The following ECPAS variants were observed in gnomAD, a reference collection of about 807,000 sequenced individuals.
The protein encoded by ECPAS is proteasome adapter and scaffold protein ECM29.
ECPAS carries 70 observed loss-of-function variants against 255.1 expected under a neutral mutation model. The observed-to-expected ratio is 0.27, with a 90% CI of 0.23 to 0.33. ECPAS has a LOEUF of 0.33. ECPAS is among the 10% of genes least tolerant of loss of function. The pLI is 1.00. For synonymous variants in ECPAS, 784 were observed against 775.0 expected, an observed-to-expected ratio of 1.01 and a Z score of -0.19; for missense variants, 1,817 against 2,206.4, an observed-to-expected ratio of 0.82 and a Z score of 3.54.
At chr9:111,373,102 T>A in intron 41 of ECPAS, 68 bp downstream of exon 41, 2 of 1,195,128 alleles carry the variant, frequency 1.7e-6, no homozygotes, top group Non-Finnish European at 2.5e-6. Flanking sequence ...TAAGACCTAA[T>A]TTGTACTGTT....
At chr9:111,435,679 CTT>C (rs1163482272) in intron 7 of ECPAS, among the ~76,000 whole-genome samples, 137 of 132,520 alleles carry the variant, frequency 1.0e-3, no homozygotes, top group African/African-American at 2.4e-3. Context: ...TTCAGTAAAT[CTT>C]TTTTTTTTTT....
At chr9:111,371,461 A>G (rs530939305) in intron 43 of ECPAS, among the ~76,000 whole-genome samples, 160 bp downstream of exon 43, 32 of 152,356 alleles carry the variant, frequency 2.1e-4, no homozygotes, top group African/African-American at 7.7e-4. Flanking sequence ...GAAATACCAC[A>G]GTTAATCAGG....
intron 3 of ECPAS, among the ~76,000 whole-genome samples, chr9:111,450,931 C>CA (rs977060599): frequency 3.1e-4 from 47 of 151,764 alleles, no homozygotes; most frequent in African/African-American, 1.0e-3. Flanking sequence ...TCTCAAAAAA[C>CA]AAAAAAAGAA....
chr9:111,447,921 T>C (rs1309457773), intron 3 of ECPAS, among the ~76,000 whole-genome samples: 1 of 152,104 alleles, frequency 6.6e-6, no homozygotes, highest in Non-Finnish European at 1.5e-5. Flanking sequence ...TGTTGACAGT[T>C]TGATAACGAG....
At chr9:111,405,798 T>A (rs1246809606) in intron 24 of ECPAS, among the ~76,000 whole-genome samples, 1 of 149,760 alleles carries the variant, frequency 6.7e-6, no homozygotes, top group Non-Finnish European at 1.5e-5. Flanking sequence ...AAGTCTGGCA[T>A]CACTGATCAT....
In ECPAS at chr9:111,393,662, C is replaced by A; in HGVS notation, c.2977+18G>T. Reference sequence around the variant, plus strand: ...TACAAGTTCAATTAAGTTTAGAAATCAAATATTAACAACCTACCATCATTT... The same window carrying A: ...TACAAGTTCAATTAAGTTTAGAAATAAAATATTAACAACCTACCATCATTT... On this transcript the variant is annotated intron_variant, in intron 27 of 49. Transcript: ENST00000684092. 2.0e-6 allele frequency: 3 copies of A among 1,470,620 alleles called. No individual in the cohort carries two copies. Among genetic ancestry groups the A allele is most frequent in the South Asian group, 2.4e-5 (2 of 84,464 alleles). The allele number at this position is 1,470,620 out of a possible 1,614,324, so 91.1% of individuals were successfully genotyped here.
At chr9:111,444,274 G>A in intron 4 of ECPAS, 104 bp downstream of exon 4, 3 of 706,054 alleles carry the variant, frequency 4.2e-6, no homozygotes, top group East Asian at 5.4e-5. Context: ...TTTAGAAGTG[G>A]TCTAAGGTGA....
intron 36 of ECPAS, among the ~76,000 whole-genome samples, chr9:111,377,424 A>G (rs2098134626): frequency 6.6e-6 from 1 of 152,234 alleles, no homozygotes; most frequent in Non-Finnish European, 1.5e-5. Context: ...AGTGCAAATC[A>G]GAAAAATGAG....
intron 49 of ECPAS, among the ~76,000 whole-genome samples, chr9:111,362,805 G>A (rs1381616969): frequency 1.3e-5 from 2 of 152,132 alleles, no homozygotes; most frequent in Non-Finnish European, 2.9e-5. Flanking sequence ...CTGGCAAACT[G>A]AGAATTCGGT....
At chr9:111,406,089 A>G (rs1305563868) in intron 24 of ECPAS, among the ~76,000 whole-genome samples, 1 of 149,992 alleles carries the variant, frequency 6.7e-6, no homozygotes, top group African/African-American at 2.5e-5. Context: ...CTGCAGCACT[A>G]TTAACAATAG....
chr9:111,475,661 G>C (rs890760868), intron 1 of ECPAS, among the ~76,000 whole-genome samples: 2 of 151,828 alleles, frequency 1.3e-5, no homozygotes, highest in Non-Finnish European at 2.9e-5. Flanking sequence ...ACTTGAACCT[G>C]GGAGGCAGAG....
chr9:111,441,534 G>T lies in ECPAS; in HGVS notation c.389+772C>A, dbSNP rs75302592. ...AAAAAAATTATTTTCCACAACTAAAGTTATTCTAAAAATTAAAAATCAATC... is the reference window on the plus strand; with the variant it reads ...AAAAAAATTATTTTCCACAACTAAATTTATTCTAAAAATTAAAAATCAATC... On this transcript the variant is annotated intron_variant, in intron 5 of 49. Transcript: ENST00000684092. Among the ~76,000 whole-genome samples, 525 of 151,986 alleles carry T rather than the reference G, an allele frequency of 3.5e-3. 7 individuals carry two copies. The highest frequency in any genetic ancestry group is 0.012 in the African/African-American group (502 of 41,486).
At chr9:111,377,587 A>G (rs919484368) in intron 36 of ECPAS, among the ~76,000 whole-genome samples, 4 of 152,256 alleles carry the variant, frequency 2.6e-5, no homozygotes, top group Non-Finnish European at 4.4e-5. Context: ...GAATAAGTGT[A>G]TATATAGACA....
chr9:111,373,854 GA>G, intron 39 of ECPAS, 117 bp downstream of exon 39: 2 of 742,752 alleles, frequency 2.7e-6, no homozygotes, highest in South Asian at 3.5e-5. Flanking sequence ...ACTGAGGGGA[GA>G]AAAGGCACAC....
In ECPAS at chr9:111,373,282, G is replaced by A. The variant is rs765434854; in HGVS notation, c.4269+33C>T. The A allele has an allele frequency of 3.1e-6, 5 of 1,612,822 alleles. No homozygotes were observed. In the Admixed American group the frequency reaches 8.3e-5, roughly 27 times the overall value. On this transcript the variant is annotated intron_variant, in intron 40 of 49. Coordinates refer to ENST00000684092, the MANE Select transcript of ECPAS (RefSeq NM_001364929.1). ...AGTATTTCTTTATAACTGTCAAAGA[G>A]TTTTATTTAACTAAGCAAGAAATTT...
chr9:111,371,911 C>G, intron 42 of ECPAS, 82 bp from the exon 43 acceptor site: 1 of 1,100,036 alleles, frequency 9.1e-7, no homozygotes, highest in South Asian at 1.4e-5. Context: ...AGTCAGTGAC[C>G]AACAGTCTAA....
At position 111,484,128 on chromosome 9, in the gene ECPAS, C is replaced by G. The variant is rs902729815; in HGVS notation, c.-95G>C. Reference sequence around the variant, plus strand: ...GCGGGCCTCTGACCTGAGTCGGAGCCGGTCTCCATGCCGCGGACGCTGCGC... The same window carrying G: ...GCGGGCCTCTGACCTGAGTCGGAGCGGGTCTCCATGCCGCGGACGCTGCGC... On this transcript the variant is annotated 5_prime_UTR_variant, in exon 1 of 50. Coordinates refer to ENST00000684092, the MANE Select transcript of ECPAS (RefSeq NM_001364929.1). 1.9e-5 allele frequency: 27 copies of G among 1,455,590 alleles called. No individual in the cohort carries two copies. The highest frequency in any genetic ancestry group is 2.3e-5 in the Non-Finnish European group (26 of 1,106,466). 90.2% of individuals were successfully genotyped at this position (1,455,590 alleles called of 1,614,324 possible).
At chr9:111,442,859 A>G (rs891000759) in intron 4 of ECPAS, among the ~76,000 whole-genome samples, 4 of 152,222 alleles carry the variant, frequency 2.6e-5, no homozygotes, top group Admixed American at 6.5e-5. Flanking sequence ...CAAACTTAGT[A>G]TACTGCAGCA....
chr9:111,390,087 G>A lies in ECPAS; in HGVS notation c.3176C>T (p.Thr1059Ile), dbSNP rs1037936242. Reference sequence around the variant, plus strand: ...TGCCAGAGAACAAAGTTCCTTGTAAGTAGAAAGGCCCTGACTTGGAAACAA... The same window carrying A: ...TGCCAGAGAACAAAGTTCCTTGTAAATAGAAAGGCCCTGACTTGGAAACAA... The part of the protein sequence containing the change: ...GKTPDGQGLS[T>I]YKELCSLASD... The change falls in exon 30 of 50, where the codon ACT becomes ATT. Residue 1059 changes from threonine (T) to isoleucine (I), a missense_variant. Transcript: ENST00000684092. The A allele has an allele frequency of 2.5e-6, 4 of 1,585,314 alleles. No homozygotes were observed. The highest frequency in any genetic ancestry group is 1.3e-5 in the African/African-American group (1 of 74,568).
Sources: gnomAD v4.1 joint callset for allele counts (sites outside exome capture counted in the v4.1 genomes callset) on GRCh38, gnomAD v4.1.1 for gene constraint, MANE v1.5 for transcripts, NCBI Gene and HGNC (gene_info 2026-07-23, HGNC 2026-07-21) for gene names.